EBF1: variants seen among roughly 807,000 people sequenced by gnomAD.
EBF1 encodes the protein EBF transcription factor 1.
In EBF1, 10 loss-of-function variants were observed where a neutral mutation model predicts 68.4. The observed-to-expected ratio is 0.15, with a 90% CI of 0.09 to 0.25. The LOEUF (loss-of-function observed/expected upper bound fraction) is 0.25. Ranked by LOEUF, EBF1 falls within the 10% of genes least tolerant of loss-of-function variation. The pLI is 1.00. For synonymous variants in EBF1, 298 were observed against 299.8 expected, an observed-to-expected ratio of 0.99 and a Z score of 0.06; for missense variants, 509 against 794.4, an observed-to-expected ratio of 0.64 and a Z score of 4.32.
chr5:159,096,434 A>G (rs1409226789), intron 2 of EBF1, 28 bp from the exon 3 acceptor site: 1 of 1,610,550 alleles, frequency 6.2e-7, no homozygotes, highest in Non-Finnish European at 8.5e-7. Flanking sequence ...GCAAAGACAC[A>G]AGAGATGCAG....
At chr5:158,965,823 G>A (rs1006728228) in intron 6 of EBF1, among the ~76,000 whole-genome samples, 7 of 152,110 alleles carry the variant, frequency 4.6e-5, no homozygotes, top group South Asian at 2.1e-4. Context: ...ACCCTGTAAC[G>A]TCCTTTAAGA....
intron 9 of EBF1, among the ~76,000 whole-genome samples, chr5:158,780,760 A>T (rs967645720): frequency 2.6e-5 from 4 of 152,290 alleles, no homozygotes; most frequent in South Asian, 2.1e-4. Flanking sequence ...TAAAACAAAG[A>T]TTAAAAGAGA....
At chr5:158,843,406 A>G (rs1240397585) in intron 6 of EBF1, among the ~76,000 whole-genome samples, 1 of 152,230 alleles carries the variant, frequency 6.6e-6, no homozygotes, top group Non-Finnish European at 1.5e-5. Flanking sequence ...CTTCTGCCTC[A>G]AAGATGAGCT....
intron 6 of EBF1, among the ~76,000 whole-genome samples, chr5:158,907,729 T>C (rs1483811742): frequency 6.6e-6 from 1 of 151,970 alleles, no homozygotes; most frequent in African/African-American, 2.4e-5. Context: ...AAGCAATTAT[T>C]ACATTACAGT....
At chr5:158,919,448 C>T (rs1295003247) in intron 6 of EBF1, among the ~76,000 whole-genome samples, 2 of 151,972 alleles carry the variant, frequency 1.3e-5, no homozygotes, top group African/African-American at 4.8e-5. Context: ...TGGGATGTCA[C>T]CAAATAATGT....
At chr5:158,732,925 C>A (rs763561245) in intron 10 of EBF1, among the ~76,000 whole-genome samples, 15 of 152,154 alleles carry the variant, frequency 9.9e-5, no homozygotes, top group Non-Finnish European at 1.9e-4. Flanking sequence ...TGGAAATTAA[C>A]TAAAATTACA....
chr5:159,083,789 A>G (rs865948591), intron 5 of EBF1, among the ~76,000 whole-genome samples: 2 of 152,230 alleles, frequency 1.3e-5, no homozygotes, highest in Non-Finnish European at 2.9e-5. Context: ...TTAACAAAGC[A>G]ATTAGTAGCC....
intron 6 of EBF1, among the ~76,000 whole-genome samples, chr5:158,885,528 C>A (rs1434711383): frequency 6.6e-6 from 1 of 152,200 alleles, no homozygotes; most frequent in Non-Finnish European, 1.5e-5. Context: ...ATCATGCACA[C>A]ATTGCAGGGG....
intron 8 of EBF1, among the ~76,000 whole-genome samples, chr5:158,809,738 G>A (rs1782269779): frequency 6.6e-6 from 1 of 152,006 alleles, no homozygotes. Flanking sequence ...TTACATGTTG[G>A]GCTGCTAAAC....
intron 6 of EBF1, among the ~76,000 whole-genome samples, chr5:159,045,076 G>A (rs573685848): frequency 1.9e-4 from 29 of 152,126 alleles, no homozygotes; most frequent in African/African-American, 6.7e-4. Context: ...TATAAAGTAA[G>A]ATAGGCTTTA....
chr5:158,817,731 C>T (rs1232824643), intron 8 of EBF1, among the ~76,000 whole-genome samples: 1 of 152,164 alleles, frequency 6.6e-6, no homozygotes, highest in Non-Finnish European at 1.5e-5. Context: ...CTTTTGTGGT[C>T]CCCCTTTGAT....
chr5:158,720,148 G>A (rs529920732), intron 11 of EBF1, among the ~76,000 whole-genome samples: 1 of 152,160 alleles, frequency 6.6e-6, no homozygotes, highest in South Asian at 2.1e-4. Context: ...ACCTATCAAT[G>A]AAATCAGCAT....
chr5:159,025,203 G>A (rs573301578), intron 6 of EBF1, among the ~76,000 whole-genome samples: 1 of 152,320 alleles, frequency 6.6e-6, no homozygotes, highest in Admixed American at 6.5e-5. Context: ...CCTCCTTGGT[G>A]TGGTGGTTTA....
At chr5:159,097,874 G>T (rs1367393762) in intron 1 of EBF1, among the ~76,000 whole-genome samples, 1 of 152,202 alleles carries the variant, frequency 6.6e-6, no homozygotes, top group Admixed American at 6.5e-5. Flanking sequence ...AGGCTGGAGC[G>T]CCTGGGGCGC....
chr5:158,875,887 C>A (rs1173233081), intron 6 of EBF1, among the ~76,000 whole-genome samples: 1 of 152,164 alleles, frequency 6.6e-6, no homozygotes, highest in Non-Finnish European at 1.5e-5. Flanking sequence ...TAATTACAAC[C>A]TAAAACTGTA....
intron 9 of EBF1, among the ~76,000 whole-genome samples, chr5:158,781,429 A>G (rs1297396983): frequency 6.6e-6 from 1 of 151,768 alleles, no homozygotes; most frequent in Non-Finnish European, 1.5e-5. Flanking sequence ...CCTCAGCTAA[A>G]CTGATTTCCA....
At chr5:158,701,769 C>A (rs1756826120) in intron 15 of EBF1, among the ~76,000 whole-genome samples, 1 of 152,148 alleles carries the variant, frequency 6.6e-6, no homozygotes, top group African/African-American at 2.4e-5. Context: ...CATGATAGCA[C>A]AAAATTGAAA....
intron 8 of EBF1, among the ~76,000 whole-genome samples, chr5:158,821,699 T>C (rs1784850835): frequency 6.6e-6 from 1 of 152,194 alleles, no homozygotes; most frequent in South Asian, 2.1e-4. Flanking sequence ...AAGGGTATTA[T>C]AAAGACAACA....
intron 6 of EBF1, chr5:158,987,097 A>G (rs904553973): frequency 1.3e-5 from 2 of 152,246 alleles, no homozygotes; most frequent in Admixed American, 6.5e-5. Flanking sequence ...AGGGAGTTAG[A>G]CAGGGACAGC....
Sources: allele counts gnomAD v4.1 joint callset (sites outside exome capture counted in the v4.1 genomes callset), GRCh38; gene constraint gnomAD v4.1.1; transcripts MANE v1.5; gene names NCBI Gene and HGNC (gene_info 2026-07-23, HGNC 2026-07-21).